The following KMT5B variants were observed in gnomAD, a reference collection of about 807,000 sequenced individuals.
KMT5B encodes the protein lysine methyltransferase 5B, also known as histone-lysine N-methyltransferase KMT5B.
Under a neutral mutation model 83.2 loss-of-function variants are expected in KMT5B, and 10 were observed. That is an observed-to-expected ratio of 0.12 (90% CI 0.07 to 0.20). KMT5B has a LOEUF of 0.20. Ranked by LOEUF, KMT5B falls within the 10% of genes least tolerant of loss-of-function variation. KMT5B has a pLI of 1.00. For missense variants in KMT5B, 753 were observed against 1,067.2 expected, an observed-to-expected ratio of 0.71 and a Z score of 4.10; for synonymous variants, 349 against 388.8, an observed-to-expected ratio of 0.90 and a Z score of 1.20.
chr11:68,166,043 G>A (rs2153046421), intron 10 of KMT5B: 4 of 1,584,516 alleles, frequency 2.5e-6, no homozygotes, highest in Non-Finnish European at 2.6e-6. Context: ...GCTCTAAGGT[G>A]CCAAGAAGTC....
intron 10 of KMT5B, chr11:68,165,919 G>C (rs1286575720): frequency 6.2e-7 from 1 of 1,612,870 alleles, no homozygotes; most frequent in South Asian, 1.1e-5. Flanking sequence ...CACCATCATG[G>C]GAAACACCTT....
At chr11:68,199,521 G>A (rs1859153522) in intron 1 of KMT5B, among the ~76,000 whole-genome samples, 1 of 152,306 alleles carries the variant, frequency 6.6e-6, no homozygotes, top group Middle Eastern at 3.4e-3. Flanking sequence ...GCTGCCACAG[G>A]GAAGAAGGGC....
intron 6 of KMT5B, among the ~76,000 whole-genome samples, chr11:68,172,588 C>T (rs941572525): frequency 2.0e-5 from 3 of 152,080 alleles, no homozygotes; most frequent in Non-Finnish European, 2.9e-5. Context: ...AATATAAGAA[C>T]TATGAATGGG....
intron 1 of KMT5B, among the ~76,000 whole-genome samples, chr11:68,207,705 C>T (rs938730522): frequency 2.0e-5 from 3 of 149,262 alleles, no homozygotes; most frequent in Non-Finnish European, 3.0e-5. Context: ...GCAGGAGAAT[C>T]GCTTGAACCC....
intron 3 of KMT5B, among the ~76,000 whole-genome samples, chr11:68,185,275 G>A (rs993868706): frequency 6.6e-6 from 1 of 151,912 alleles, no homozygotes; most frequent in Non-Finnish European, 1.5e-5. Context: ...GCACGATCTC[G>A]GCTCACTGCA....
intron 4 of KMT5B, chr11:68,179,521 G>T: frequency 7.7e-7 from 1 of 1,304,066 alleles, no homozygotes; most frequent in Non-Finnish European, 1.0e-6. Flanking sequence ...TTGCTATTTG[G>T]TTTTTCTGTC....
In KMT5B at chr11:68,156,784, T is replaced by C. The variant is rs1485653522; in HGVS notation, c.*904A>G. On this transcript the variant is annotated 3_prime_UTR_variant, in exon 11 of 11. Transcript: ENST00000304363. ...ATAAACTATTATAAGTTAAAGTGAA[T>C]AGATTTTTTTAATATTCCTTGTAGC... The C allele has an allele frequency of 6.6e-6, 1 of 152,640 alleles. No homozygotes were observed. Among genetic ancestry groups the C allele is most frequent in the Admixed American group, 6.5e-5 (1 of 15,286 alleles). The allele number at this position is 152,640 out of a possible 1,614,324, so 9.5% of individuals were successfully genotyped here. A position where few individuals can be genotyped will look rare whatever the true frequency, so the allele number is the denominator to read the frequency against.
chr11:68,202,694 G>A (rs371311161), intron 1 of KMT5B, among the ~76,000 whole-genome samples: 236 of 151,434 alleles, frequency 1.6e-3, no homozygotes, highest in African/African-American at 4.9e-3. Flanking sequence ...GATTACAGGC[G>A]CGCACCACTA....
At chr11:68,210,460 G>T (rs1201580401) in intron 1 of KMT5B, among the ~76,000 whole-genome samples, 1 of 152,178 alleles carries the variant, frequency 6.6e-6, no homozygotes, top group Non-Finnish European at 1.5e-5. Context: ...TACAATTTTG[G>T]ATTGGAAGTG....
chr11:68,198,061 G>A (rs929435075), intron 1 of KMT5B, among the ~76,000 whole-genome samples: 4 of 152,148 alleles, frequency 2.6e-5, no homozygotes, highest in East Asian at 3.8e-4. Flanking sequence ...TAAAGGTAGC[G>A]ATGGGATTTT....
At chr11:68,163,403 G>A (rs1030974845) in intron 10 of KMT5B, among the ~76,000 whole-genome samples, 1 of 152,212 alleles carries the variant, frequency 6.6e-6, no homozygotes, top group Non-Finnish European at 1.5e-5. Flanking sequence ...TCACGCTTAT[G>A]CTGCCTATAA....
intron 10 of KMT5B, among the ~76,000 whole-genome samples, chr11:68,161,838 T>G (rs1253654297): frequency 2.6e-5 from 4 of 152,168 alleles, no homozygotes; most frequent in Non-Finnish European, 5.9e-5. Context: ...CGCACGGCTA[T>G]TACCACTTAC....
chr11:68,164,195 C>T (rs1425150126), intron 10 of KMT5B, among the ~76,000 whole-genome samples: 6 of 152,216 alleles, frequency 3.9e-5, no homozygotes, highest in Non-Finnish European at 7.3e-5. Context: ...CACACCATAG[C>T]TCTCAAGGTA....
At chr11:68,206,682 A>T (rs1860158897) in intron 1 of KMT5B, among the ~76,000 whole-genome samples, 1 of 152,196 alleles carries the variant, frequency 6.6e-6, no homozygotes, top group Non-Finnish European at 1.5e-5. Flanking sequence ...ACTGCTAACA[A>T]ATTAAGGTCT....
At chr11:68,194,757 G>A (rs1040422059) in intron 1 of KMT5B, among the ~76,000 whole-genome samples, 4 of 152,194 alleles carry the variant, frequency 2.6e-5, no homozygotes, top group African/African-American at 9.7e-5. Flanking sequence ...AAGAGCCAAA[G>A]AAACAGCACT....
Position 68,155,545 on chromosome 11 carries a change from A to G in KMT5B, c.*2143T>C. ...CAAAATAGCTATCGTTGGTATTCAA[A>G]TAAGGTTTAAGATTTAGTCTCTGAA... On this transcript the variant is annotated 3_prime_UTR_variant, in exon 11 of 11. Transcript: ENST00000304363. The G allele has an allele frequency of 6.6e-6, 1 of 152,224 alleles. No individual in the cohort carries two copies. The highest frequency in any genetic ancestry group is 1.5e-5 in the Non-Finnish European group (1 of 68,032). 9.4% of individuals were successfully genotyped at this position (152,224 alleles called of 1,614,324 possible).
At chr11:68,193,198 C>T (rs1273877997) in intron 1 of KMT5B, among the ~76,000 whole-genome samples, 1 of 152,148 alleles carries the variant, frequency 6.6e-6, no homozygotes, top group Non-Finnish European at 1.5e-5. Context: ...AAACTGAGGC[C>T]ACATGCCTAA....
intron 3 of KMT5B, among the ~76,000 whole-genome samples, chr11:68,183,654 C>G (rs1857162145): frequency 1.4e-5 from 2 of 147,388 alleles, no homozygotes; most frequent in South Asian, 4.3e-4. Context: ...CTACCATGCC[C>G]AGTCCTGTAT....
rs373326095 is a variant in KMT5B at position 68,180,137 on chromosome 11, A to G, written c.372T>C (p.Pro124=). 1 of 1,584,598 alleles carries G rather than the reference A, an allele frequency of 6.3e-7. No homozygotes were observed. The highest frequency in any genetic ancestry group is 1.3e-5 in the African/African-American group (1 of 74,462). ...TTTTAACACACACTACCTACCTCAC[A>G]GGGTTGTTGTGAGAAAAACTGTCAG... The part of the protein sequence containing the change: ...SKSDSFSHNN[P]VRFRPIKGRQ... Residue 124 remains proline, a synonymous_variant, in exon 4 of 11, where the codon CCT becomes CCC. Coordinates refer to ENST00000304363, the MANE Select transcript of KMT5B (RefSeq NM_017635.5).
Sources: allele counts gnomAD v4.1 joint callset (sites outside exome capture counted in the v4.1 genomes callset), GRCh38; gene constraint gnomAD v4.1.1; transcripts MANE v1.5; gene names NCBI Gene and HGNC (gene_info 2026-07-23, HGNC 2026-07-21).